Variants in CTNNA3 observed in about 807,000 individuals in gnomAD.
CTNNA3 encodes catenin alpha 3, also known as catenin alpha-3.
A neutral mutation model predicts 95.7 loss-of-function variants in CTNNA3; 76 were observed. The ratio of observed to expected loss-of-function variants is 0.79; its 90% CI spans 0.66 to 0.96. The LOEUF (loss-of-function observed/expected upper bound fraction) is 0.96. Ranked by LOEUF, CTNNA3 falls within the 40% of genes least tolerant of loss-of-function variation. The pLI is 0.00. For synonymous variants in CTNNA3, 431 were observed against 374.4 expected (o/e 1.15, Z -1.74); for missense variants, 1,191 against 1,089.8 (o/e 1.09, Z -1.31).
chr10:65,947,698 A>G (rs934794186), intron 17 of CTNNA3, among the ~76,000 whole-genome samples: 1 of 152,220 alleles, frequency 6.6e-6, no homozygotes, highest in African/African-American at 2.4e-5. Flanking sequence ...TGAAATTTAA[A>G]CTTTTGTTGT....
chr10:67,140,398 G>T (rs1457010275), intron 7 of CTNNA3, among the ~76,000 whole-genome samples: 1 of 152,044 alleles, frequency 6.6e-6, no homozygotes. Context: ...TAATAGTCCA[G>T]CTCTAACACA....
chr10:67,483,191 C>T (rs923231953), intron 5 of CTNNA3, among the ~76,000 whole-genome samples: 19 of 151,866 alleles, frequency 1.3e-4, no homozygotes, highest in South Asian at 4.2e-4. Context: ...AGTTCAACCA[C>T]TGTGGAAGTC....
intron 7 of CTNNA3, among the ~76,000 whole-genome samples, chr10:66,780,030 A>C (rs937602275): frequency 6.6e-6 from 1 of 152,126 alleles, no homozygotes; most frequent in Admixed American, 6.6e-5. Flanking sequence ...GATATATAAA[A>C]GTCAGCCAGG....
rs577204699 is a variant in CTNNA3 at position 66,265,054 on chromosome 10, T to C, written c.1884+15416A>G. Among the ~76,000 whole-genome samples the C allele has an allele frequency of 3.9e-5, 6 of 152,132 alleles. No homozygotes were observed. The East Asian group carries it at 1.2e-3, about 29-fold the overall frequency. On this transcript the variant is annotated intron_variant, in intron 13 of 17. Transcript: ENST00000433211. ...ACCTTCAATTCATTTTGTCCACTCA[T>C]CCAAATCTACTTATCACCACAATCC...
chr10:66,078,289 C>T (rs78970695), intron 14 of CTNNA3, among the ~76,000 whole-genome samples: 12,267 of 151,942 alleles, frequency 0.081, 734 homozygotes, highest in East Asian at 0.19. Context: ...TAACTGTCAT[C>T]TTCCCATTCT....
At chr10:66,858,796 G>C (rs774522858) in intron 7 of CTNNA3, among the ~76,000 whole-genome samples, 10 of 151,670 alleles carry the variant, frequency 6.6e-5, no homozygotes, top group Non-Finnish European at 1.0e-4. Flanking sequence ...TATTAGTATA[G>C]CTAGTGGCCT....
intron 1 of CTNNA3, among the ~76,000 whole-genome samples, chr10:67,670,326 C>T (rs1840407166): frequency 6.6e-6 from 1 of 152,166 alleles, no homozygotes; most frequent in Admixed American, 6.5e-5. Flanking sequence ...CATTGACTCT[C>T]TAAGTCTAGT....
chr10:67,396,616 G>C (rs904140672), intron 5 of CTNNA3, among the ~76,000 whole-genome samples: 6 of 152,078 alleles, frequency 3.9e-5, no homozygotes, highest in African/African-American at 1.4e-4. Flanking sequence ...CAAACATTTT[G>C]TATGTTATAA....
intron 7 of CTNNA3, among the ~76,000 whole-genome samples, chr10:67,010,240 G>C (rs1375687390): frequency 6.6e-6 from 1 of 152,072 alleles, no homozygotes; most frequent in Admixed American, 6.6e-5. Flanking sequence ...TATAGTTATA[G>C]CAACTAACAT....
intron 7 of CTNNA3, among the ~76,000 whole-genome samples, chr10:67,016,591 T>C (rs1166645642): frequency 6.6e-6 from 1 of 152,312 alleles, no homozygotes; most frequent in South Asian, 2.1e-4. Context: ...GGTTATTCTC[T>C]ACTTTTCTTA....
intron 2 of CTNNA3, among the ~76,000 whole-genome samples, chr10:67,628,042 AAG>A (rs1264968665): frequency 7.8e-5 from 9 of 116,092 alleles, no homozygotes; most frequent in Admixed American, 1.7e-4. Flanking sequence ...AAAGTTGAGA[AAG>A]AGAGAATTTC....
chr10:67,563,714 A>C (rs1841631973), intron 3 of CTNNA3, among the ~76,000 whole-genome samples: 1 of 152,140 alleles, frequency 6.6e-6, no homozygotes, highest in Non-Finnish European at 1.5e-5. Flanking sequence ...CAACCTACAG[A>C]ATGGGAGAAA....
intron 1 of CTNNA3, among the ~76,000 whole-genome samples, chr10:67,747,647 T>C (rs1395944772): frequency 2.0e-5 from 3 of 152,132 alleles, no homozygotes; most frequent in African/African-American, 7.2e-5. Context: ...CTCATGAAGA[T>C]GAGAAAGAAT....
chr10:67,633,211 A>C (rs528693966), intron 2 of CTNNA3, among the ~76,000 whole-genome samples: 3 of 152,168 alleles, frequency 2.0e-5, no homozygotes, highest in African/African-American at 7.2e-5. Flanking sequence ...CAAGGGCTCT[A>C]CAGACAAAGC....
chr10:66,763,201 G>C (rs1839672165), intron 9 of CTNNA3, among the ~76,000 whole-genome samples: 1 of 151,910 alleles, frequency 6.6e-6, no homozygotes, highest in East Asian at 1.9e-4. Flanking sequence ...CTCAATGTTT[G>C]TAGTAAATTA....
chr10:67,188,812 T>A (rs1291322031), intron 6 of CTNNA3, among the ~76,000 whole-genome samples: 2 of 152,022 alleles, frequency 1.3e-5, no homozygotes, highest in African/African-American at 4.8e-5. Flanking sequence ...ATTCAGCCTT[T>A]AAAAAGAAAA....
chr10:67,567,360 G>A (rs547257993), intron 3 of CTNNA3, among the ~76,000 whole-genome samples: 11 of 152,092 alleles, frequency 7.2e-5, no homozygotes, highest in African/African-American at 2.2e-4. Flanking sequence ...AATATTGCAT[G>A]CTTTCATAAG....
chr10:67,140,714 G>A (rs1860517336), intron 7 of CTNNA3, among the ~76,000 whole-genome samples: 1 of 152,056 alleles, frequency 6.6e-6, no homozygotes, highest in Non-Finnish European at 1.5e-5. Context: ...GTCCTTTTTG[G>A]TACTATAAAT....
intron 5 of CTNNA3, among the ~76,000 whole-genome samples, chr10:67,237,083 A>C (rs1865497841): frequency 7.3e-6 from 1 of 136,058 alleles, no homozygotes; most frequent in South Asian, 2.5e-4. Context: ...AACCAACCCA[A>C]ATGCCCATCA....
Sources: allele counts gnomAD v4.1 joint callset (sites outside exome capture counted in the v4.1 genomes callset), GRCh38; gene constraint gnomAD v4.1.1; transcripts MANE v1.5; gene names NCBI Gene and HGNC (gene_info 2026-07-23, HGNC 2026-07-21).